PARD3: variants seen among roughly 807,000 people sequenced by gnomAD.
PARD3 encodes partitioning defective 3 homolog.
PARD3 carries 75 observed loss-of-function variants against 155.4 expected under a neutral mutation model. That is an observed-to-expected ratio of 0.48 (90% confidence interval 0.40 to 0.58). The LOEUF (loss-of-function observed/expected upper bound fraction) is 0.58, where lower values mean the gene tolerates loss of function less well. Ranked by LOEUF, PARD3 falls within the 20% of genes least tolerant of loss-of-function variation. PARD3 has a pLI of 0.00. For synonymous variants in PARD3, 576 were observed against 610.5 expected (o/e 0.94, Z 0.83); for missense variants, 1,642 against 1,721.7 (o/e 0.95, Z 0.82).
intron 4 of PARD3, among the ~76,000 whole-genome samples, chr10:34,459,760 TTAC>T (rs1478428033): frequency 3.9e-5 from 6 of 152,126 alleles, no homozygotes; most frequent in Non-Finnish European, 7.4e-5. Flanking sequence ...TTTAAATAAA[TTAC>T]TACAATTTGA....
intron 22 of PARD3, among the ~76,000 whole-genome samples, chr10:34,174,963 T>C (rs937733574): frequency 2.7e-4 from 41 of 152,102 alleles, no homozygotes; most frequent in African/African-American, 8.9e-4. Flanking sequence ...ATTCATTGTA[T>C]TTTTTTTCTT....
chr10:34,169,177 C>T (rs1478288586), intron 22 of PARD3, among the ~76,000 whole-genome samples: 2 of 152,204 alleles, frequency 1.3e-5, no homozygotes, highest in African/African-American at 2.4e-5. Flanking sequence ...AAGACAGTTA[C>T]AGCTGCCAGG....
intron 2 of PARD3, among the ~76,000 whole-genome samples, chr10:34,643,500 T>C (rs1260490321): frequency 1.3e-5 from 2 of 152,238 alleles, no homozygotes; most frequent in African/African-American, 2.4e-5. Context: ...AAACGAATAA[T>C]AGAACAGGCA....
chr10:34,360,338 G>T, intron 12 of PARD3, 79 bp from the exon 13 acceptor site: 2 of 1,046,670 alleles, frequency 1.9e-6, no homozygotes, highest in Non-Finnish European at 2.9e-6. Context: ...CTGCTAATGA[G>T]CAGTTCCTTA....
intron 3 of PARD3, among the ~76,000 whole-genome samples, chr10:34,481,163 C>A (rs1477678059): frequency 6.6e-6 from 1 of 152,110 alleles, no homozygotes; most frequent in East Asian, 1.9e-4. Context: ...AATATTTCAC[C>A]AACCAAGTAA....
intron 1 of PARD3, among the ~76,000 whole-genome samples, chr10:34,746,982 G>A (rs549664272): frequency 5.6e-4 from 85 of 152,226 alleles, no homozygotes; most frequent in Middle Eastern, 3.4e-3. Flanking sequence ...CCTTCCCTGC[G>A]GGGATTAGAA....
At chr10:34,715,395 A>G (rs1564538639) in intron 1 of PARD3, among the ~76,000 whole-genome samples, 1 of 152,184 alleles carries the variant, frequency 6.6e-6, no homozygotes, top group Non-Finnish European at 1.5e-5. Context: ...GAATATGAGC[A>G]TGGACTGAGC....
intron 2 of PARD3, among the ~76,000 whole-genome samples, chr10:34,630,356 G>A (rs1388728279): frequency 6.6e-6 from 1 of 152,102 alleles, no homozygotes; most frequent in Non-Finnish European, 1.5e-5. Flanking sequence ...TTCACATCCA[G>A]GTTCCCAACC....
intron 2 of PARD3, among the ~76,000 whole-genome samples, chr10:34,604,981 A>G (rs1026781101): frequency 1.3e-5 from 2 of 151,938 alleles, no homozygotes; most frequent in African/African-American, 4.8e-5. Flanking sequence ...TTTATTTTTA[A>G]CTGATAGAAT....
At chr10:34,243,390 T>C (rs970266608) in intron 22 of PARD3, among the ~76,000 whole-genome samples, 5 of 152,216 alleles carry the variant, frequency 3.3e-5, no homozygotes, top group South Asian at 2.1e-4. Flanking sequence ...GTTTACTCCA[T>C]AGATGGCCCG....
intron 6 of PARD3, among the ~76,000 whole-genome samples, chr10:34,400,814 ATTTT>A (rs761473684): frequency 2.1e-5 from 3 of 145,604 alleles, no homozygotes; most frequent in Non-Finnish European, 4.4e-5. Flanking sequence ...GGTTAAATGG[ATTTT>A]TTATTACTTT....
At chr10:34,144,531 T>C (rs750451850) in intron 22 of PARD3, among the ~76,000 whole-genome samples, 2 of 152,334 alleles carry the variant, frequency 1.3e-5, no homozygotes, top group Admixed American at 1.3e-4. Context: ...ATGAATCTAT[T>C]ACACAAAGCA....
intron 2 of PARD3, among the ~76,000 whole-genome samples, chr10:34,573,459 T>C (rs2086598385): frequency 6.6e-6 from 1 of 152,058 alleles, no homozygotes; most frequent in Non-Finnish European, 1.5e-5. Context: ...CCTAGCACTT[T>C]GGGAGGCCAA....
At chr10:34,468,835 A>C (rs1209348024) in intron 4 of PARD3, among the ~76,000 whole-genome samples, 2 of 152,230 alleles carry the variant, frequency 1.3e-5, no homozygotes, top group Non-Finnish European at 1.5e-5. Context: ...AAATATTTAA[A>C]ACAGGTATTT....
At chr10:34,606,020 CTATATCTCCTATATA>C (rs2090383566) in intron 2 of PARD3, among the ~76,000 whole-genome samples, 1 of 95,128 alleles carries the variant, frequency 1.1e-5, no homozygotes, top group Non-Finnish European at 2.1e-5. Flanking sequence ...TCTCCTATAT[CTATATCTCCTATATA>C]TATATATCTT....
chr10:34,562,963 G>T (rs543934775), intron 2 of PARD3, among the ~76,000 whole-genome samples: 56 of 152,126 alleles, frequency 3.7e-4, no homozygotes, highest in African/African-American at 1.2e-3. Context: ...AGTGACAGGT[G>T]TCTACCTTTG....
At chr10:34,310,133 T>C (rs1187942057) in intron 20 of PARD3, among the ~76,000 whole-genome samples, 1 of 152,196 alleles carries the variant, frequency 6.6e-6, no homozygotes, top group Non-Finnish European at 1.5e-5. Context: ...TTGATACAAG[T>C]ACATTTAGGA....
chr10:34,249,985 G>T (rs899239787), intron 22 of PARD3, among the ~76,000 whole-genome samples: 1 of 152,170 alleles, frequency 6.6e-6, no homozygotes, highest in Admixed American at 6.5e-5. Context: ...TGCCACACAC[G>T]AGATGCTTTG....
At chr10:34,641,285 T>C (rs111851700) in intron 2 of PARD3, among the ~76,000 whole-genome samples, 2 of 152,188 alleles carry the variant, frequency 1.3e-5, no homozygotes, top group African/African-American at 4.8e-5. Flanking sequence ...AGGCCAAAAA[T>C]GTAAGCCAAT....
Sources: gnomAD v4.1 joint callset for allele counts (sites outside exome capture counted in the v4.1 genomes callset) on GRCh38, gnomAD v4.1.1 for gene constraint, MANE v1.5 for transcripts, NCBI Gene and HGNC (gene_info 2026-07-23, HGNC 2026-07-21) for gene names.